OR3A2: variants seen among roughly 807,000 people sequenced by gnomAD.
OR3A2 encodes the protein olfactory receptor 3A2.
For missense variants in OR3A2, 318 were observed against 392.8 expected (o/e 0.81, Z 1.61); for synonymous variants, 126 against 159.3 (o/e 0.79, Z 1.57).
chr17:3,285,561 G>C (rs187858965), upstream of OR3A2, among the ~76,000 whole-genome samples: 19 of 152,242 alleles, frequency 1.2e-4, no homozygotes, highest in East Asian at 3.7e-3. Flanking sequence ...GGCTGAGGCG[G>C]GGATCGCTTG....
At chr17:3,332,348 C>A (rs1222968749) in intron 3 of OR3A2, among the ~76,000 whole-genome samples, 1 of 152,214 alleles carries the variant, frequency 6.6e-6, no homozygotes, top group Admixed American at 6.5e-5. Flanking sequence ...GACTGCTGTG[C>A]TAGCAATCAG....
intron 2 of OR3A2, among the ~76,000 whole-genome samples, chr17:3,378,333 A>C (rs1238844342): frequency 2.0e-5 from 3 of 152,196 alleles, no homozygotes; most frequent in Non-Finnish European, 4.4e-5. Flanking sequence ...CAGCCCCCTG[A>C]GTGTGTGCAC....
In OR3A2 at chr17:3,378,654, C is replaced by T. The variant is rs1294968775; in HGVS notation, c.-179+5150G>A. 2.6e-5 allele frequency among the ~76,000 whole-genome samples: 4 copies of T among 152,282 alleles called. No individual in the cohort carries two copies. In the East Asian group the frequency reaches 5.8e-4, roughly 22 times the overall value. On this transcript the variant is annotated intron_variant, in intron 2 of 4. Coordinates refer to the OR3A2 transcript ENST00000573491. ...GCCGCACCTCCCCTGCTGCAGCTGG[C>T]ATCCCCGCAGCAGCTGCTCCAGATG...
In OR3A2 at chr17:3,327,021, C is replaced by T. The variant is rs866791470; in HGVS notation, c.-85+9012G>A. 2.4e-3 allele frequency among the ~76,000 whole-genome samples: 198 copies of T among 82,648 alleles called. 24 individuals are homozygous for T. Among genetic ancestry groups the T allele is most frequent in the South Asian group, 5.3e-3 (10 of 1,904 alleles). The allele number at this position is 82,648 out of a possible 152,430, so 54.2% of individuals were successfully genotyped here. A position where few individuals can be genotyped will look rare whatever the true frequency, so the allele number is the denominator to read the frequency against. On this transcript the variant is annotated intron_variant, in intron 3 of 4. Transcript: ENST00000573491. ...TAATGCCGCAATAAACATACGTGTGCATGTGTCTTTATAGCAGCATGATTT... is the reference window on the plus strand; with the variant it reads ...TAATGCCGCAATAAACATACGTGTGTATGTGTCTTTATAGCAGCATGATTT...
At chr17:3,281,638 G>C (rs2048777574) in intron 1 of OR3A2, among the ~76,000 whole-genome samples, 2 of 114,620 alleles carry the variant, frequency 1.7e-5, no homozygotes, top group African/African-American at 7.4e-5. Flanking sequence ...CTCAAATTAA[G>C]AGTTTTGTTT....
chr17:3,302,953 A>G (rs2048976360), intron 3 of OR3A2, among the ~76,000 whole-genome samples: 1 of 152,232 alleles, frequency 6.6e-6, no homozygotes, highest in Non-Finnish European at 1.5e-5. Flanking sequence ...TTAAAGGAAT[A>G]GTAATTTAAA....
At chr17:3,335,720 G>A (rs995539587) in intron 3 of OR3A2, among the ~76,000 whole-genome samples, 31 of 152,252 alleles carry the variant, frequency 2.0e-4, no homozygotes, top group Non-Finnish European at 3.7e-4. Flanking sequence ...TGAGGCAAAT[G>A]TTAGAATTTT....
At chr17:3,296,125 G>T (rs1291946504) in intron 3 of OR3A2, among the ~76,000 whole-genome samples, 1 of 152,012 alleles carries the variant, frequency 6.6e-6, no homozygotes, top group Non-Finnish European at 1.5e-5. Context: ...CAGAAATTCA[G>T]CAAACTTCAA....
At chr17:3,376,561 G>C (rs1411364289) in intron 2 of OR3A2, among the ~76,000 whole-genome samples, 1 of 152,148 alleles carries the variant, frequency 6.6e-6, no homozygotes, top group Non-Finnish European at 1.5e-5. Context: ...TATCACCAGG[G>C]AAGTGGGGAA....
intron 1 of OR3A2, among the ~76,000 whole-genome samples, chr17:3,282,885 G>A (rs560315276): frequency 6.6e-6 from 1 of 152,256 alleles, no homozygotes; most frequent in South Asian, 2.1e-4. Flanking sequence ...ACCTGCAATG[G>A]TTTCCCTCCA....
intron 2 of OR3A2, among the ~76,000 whole-genome samples, chr17:3,347,128 G>A (rs1644371011): frequency 6.6e-6 from 1 of 152,110 alleles, no homozygotes; most frequent in African/African-American, 2.4e-5. Flanking sequence ...GTTCTCCATA[G>A]TGGCTGTACT....
chr17:3,284,378 C>T (rs967801692), exon 1 of OR3A2: 3 of 152,120 alleles, frequency 2.0e-5, no homozygotes, highest in Non-Finnish European at 4.4e-5. Context: ...GCACGGAAGC[C>T]ACTGAGGTTT....
intron 3 of OR3A2, among the ~76,000 whole-genome samples, chr17:3,300,803 T>C (rs1411919396): frequency 1.3e-5 from 2 of 151,694 alleles, no homozygotes; most frequent in Non-Finnish European, 2.9e-5. Context: ...TAACTCGTCA[T>C]TTACATTAGG....
rs1282239202 is a variant in OR3A2 at position 3,311,696 on chromosome 17, GGAA to G, written c.-85+24334_-85+24336del. The G allele has an allele frequency of 3.7e-6, 1 of 273,160 alleles. No homozygotes were observed. The highest frequency in any genetic ancestry group is 8.1e-5 in the East Asian group (1 of 12,386). 16.9% of individuals were successfully genotyped at this position (273,160 alleles called of 1,614,324 possible). A position where few individuals can be genotyped will look rare whatever the true frequency, so the allele number is the denominator to read the frequency against. On this transcript the variant is annotated intron_variant, in intron 3 of 4. Transcript: ENST00000573491. This position sits in a 1 kb window ranked among gnomAD's most constrained non-coding sequence, Gnocchi z 4.6. Reference sequence around the variant, plus strand: ...TTACAAATCCGCTCAGCTGAGGGGAGGAAGAAGGCTTTCTCCACATGTGGCTCC... The same window carrying G: ...TTACAAATCCGCTCAGCTGAGGGGAGGAAGGCTTTCTCCACATGTGGCTCC...
At chr17:3,362,895 G>C (rs2150660245) in intron 2 of OR3A2, among the ~76,000 whole-genome samples, 1 of 151,954 alleles carries the variant, frequency 6.6e-6, no homozygotes, top group African/African-American at 2.4e-5. Context: ...CAAGGCTTGG[G>C]TTTGCACTCT....
At position 3,279,567 on chromosome 17, in the gene OR3A2, G is replaced by A. The variant is rs113945869; in HGVS notation, c.-6-644C>T. On this transcript the variant is annotated intron_variant, in intron 1 of 1. Transcript: ENST00000642052. ...CCAGCAGTTTGGGAGGCCAAGGCGG[G>A]TGCATCATCTGAGATCAGGAGTTTG... is the stretch of plus-strand genomic sequence containing the variant. 1.3e-3 allele frequency among the ~76,000 whole-genome samples: 200 copies of A among 152,334 alleles called. 1 individual carries two copies. The highest frequency in any genetic ancestry group is 4.4e-3 in the African/African-American group (185 of 41,586).
chr17:3,276,558 GGGAA>G (rs2048736572), downstream of OR3A2, among the ~76,000 whole-genome samples: 2 of 152,224 alleles, frequency 1.3e-5, no homozygotes, highest in South Asian at 2.1e-4. Flanking sequence ...TATTTACACT[GGGAA>G]GGAAGGAAGA....
intron 2 of OR3A2, among the ~76,000 whole-genome samples, chr17:3,375,366 G>A (rs759374036): frequency 4.9e-5 from 7 of 141,730 alleles, no homozygotes; most frequent in Admixed American, 7.5e-5. Context: ...GCAGTGCCAC[G>A]ATCTCAATTC....
At chr17:3,292,109 G>C (rs752671269) in intron 3 of OR3A2, 1 of 1,614,186 alleles carries the variant, frequency 6.2e-7, no homozygotes, top group Non-Finnish European at 8.5e-7. Context: ...GGGTCAGTGC[G>C]TTGGTGAAAG....
Sources: allele counts gnomAD v4.1 joint callset (sites outside exome capture counted in the v4.1 genomes callset), GRCh38; gene constraint gnomAD v4.1.1; non-coding constraint Gnocchi (gnomAD v3.1); transcripts MANE v1.5; gene names NCBI Gene and HGNC (gene_info 2026-07-23, HGNC 2026-07-21).